CD163L1: variants seen among roughly 807,000 people sequenced by gnomAD.
CD163L1 encodes the protein scavenger receptor cysteine-rich type 1 protein M160.
CD163L1 carries 124 observed loss-of-function variants against 165.4 expected under a neutral mutation model. That is an observed-to-expected ratio of 0.75 (90% CI 0.65 to 0.87). The LOEUF (loss-of-function observed/expected upper bound fraction) is 0.87. CD163L1 is among the 40% of genes least tolerant of loss of function. The pLI is 0.00. For synonymous variants in CD163L1, 585 were observed against 662.2 expected (o/e 0.88, Z 1.79); for missense variants, 1,525 against 1,799.9 (o/e 0.85, Z 2.76).
downstream of CD163L1, among the ~76,000 whole-genome samples, chr12:7,344,379 T>C (rs183911979): frequency 3.0e-4 from 46 of 152,346 alleles, no homozygotes; most frequent in African/African-American, 1.1e-3. Flanking sequence ...TGAGCCACCA[T>C]ACCTAGCTCA....
At chr12:7,439,448 T>C in intron 2 of CD163L1, 4 of 1,586,004 alleles carry the variant, frequency 2.5e-6, no homozygotes, top group Non-Finnish European at 3.4e-6. Flanking sequence ...GGTTTGGACT[T>C]GTCTTTTAGC....
At chr12:7,443,049 AAAT>A in intron 1 of CD163L1, among the ~76,000 whole-genome samples, 1 of 152,336 alleles carries the variant, frequency 6.6e-6, no homozygotes, top group East Asian at 1.9e-4. Flanking sequence ...GTTGAAAGTT[AAAT>A]AATATTATCT....
chr12:7,404,042 T>C (rs1056408901), intron 5 of CD163L1, among the ~76,000 whole-genome samples, 187 bp from the exon 6 acceptor site: 2 of 151,998 alleles, frequency 1.3e-5, no homozygotes, highest in African/African-American at 2.4e-5. Context: ...ATTTTAAAGA[T>C]TGAAATTTTA....
At chr12:7,365,607 C>T (rs1946999680) in intron 18 of CD163L1, among the ~76,000 whole-genome samples, 1 of 151,918 alleles carries the variant, frequency 6.6e-6, no homozygotes, top group Non-Finnish European at 1.5e-5. Context: ...GGTGAAAGAA[C>T]TGAATAGACA....
the CD163L1 span, among the ~76,000 whole-genome samples, chr12:7,319,610 A>G: frequency 7.2e-5 from 11 of 151,784 alleles, no homozygotes; most frequent in Admixed American, 3.3e-4. Flanking sequence ...AAAAAAGAAA[A>G]AAATACAGAT....
chr12:7,336,985 G>A, the CD163L1 span, among the ~76,000 whole-genome samples: 2 of 152,026 alleles, frequency 1.3e-5, no homozygotes, highest in Non-Finnish European at 2.9e-5. Context: ...ATAGACCAAT[G>A]GAACAGGAGA....
At chr12:7,322,312 C>A in the CD163L1 span, 19 of 1,502,492 alleles carry the variant, frequency 1.3e-5, no homozygotes, top group Non-Finnish European at 1.8e-5. Flanking sequence ...TTTGCTAAGA[C>A]TTGCCTCTCC....
intron 1 of CD163L1, 100 bp downstream of exon 1, chr12:7,443,997 T>C: frequency 8.6e-7 from 1 of 1,164,398 alleles, no homozygotes; most frequent in East Asian, 2.5e-5. Context: ...GTTTTCTTTT[T>C]ACCTTACTAC....
At chr12:7,393,290 T>C (rs374538832) in intron 8 of CD163L1, among the ~76,000 whole-genome samples, 5 of 152,040 alleles carry the variant, frequency 3.3e-5, no homozygotes, top group African/African-American at 7.3e-5. Context: ...ACAAACATAA[T>C]CCATCACATA....
intron 18 of CD163L1, among the ~76,000 whole-genome samples, chr12:7,365,661 G>A (rs147315384): frequency 6.6e-6 from 1 of 152,108 alleles, no homozygotes; most frequent in East Asian, 1.9e-4. Flanking sequence ...GTAAATAAAT[G>A]CTCAACAACA....
intron 4 of CD163L1, among the ~76,000 whole-genome samples, chr12:7,412,700 T>C (rs1037756649): frequency 3.3e-5 from 5 of 151,808 alleles, no homozygotes; most frequent in African/African-American, 1.2e-4. Context: ...CAAAAGAACA[T>C]AAGCCAGATG....
intron 8 of CD163L1, among the ~76,000 whole-genome samples, chr12:7,387,715 C>A (rs955786369): frequency 6.6e-6 from 1 of 152,178 alleles, no homozygotes; most frequent in Admixed American, 6.5e-5. Context: ...AGTATTCAGA[C>A]TGTGAGCCAA....
chr12:7,407,782 TACACACACACAC>T (rs57031012), intron 4 of CD163L1, among the ~76,000 whole-genome samples: 1 of 143,894 alleles, frequency 6.9e-6, no homozygotes, highest in South Asian at 2.3e-4. Context: ...CACACATCCA[TACACACACACAC>T]ACACACACAC....
rs1845293896 is a variant in CD163L1, at chr12:7,357,330, G to A, written c.*24+50C>T. The A allele has an allele frequency of 6.7e-6, 8 of 1,187,606 alleles. No homozygotes were observed. In the South Asian group the frequency reaches 8.7e-5, roughly 13 times the overall value. The allele number at this position is 1,187,606 out of a possible 1,614,324, so 73.6% of individuals were successfully genotyped here. A position where few individuals can be genotyped will look rare whatever the true frequency, so the allele number is the denominator to read the frequency against. On this transcript the variant is annotated intron_variant, in intron 19 of 19. Coordinates refer to ENST00000313599, the MANE Select transcript of CD163L1 (RefSeq NM_174941.6). ...AAAAAATGTATTTAATTCTGCGACA[G>A]TGGGAGATTAAATTACTAGTTTTAG...
At chr12:7,380,065 T>C (rs1947353016) in intron 8 of CD163L1, among the ~76,000 whole-genome samples, 2 of 151,968 alleles carry the variant, frequency 1.3e-5, no homozygotes, top group African/African-American at 4.8e-5. Flanking sequence ...ACAACCGCTA[T>C]GAAAAACAGT....
In CD163L1 at chr12:7,421,041, A is replaced by ATATATATACATATATATATATATGTG. The variant is rs1217962587; in HGVS notation, c.766+11374_766+11375insCACATATATATATATATGTATATATA. 5.5e-5 allele frequency among the ~76,000 whole-genome samples: 6 copies of ATATATATACATATATATATATATGTG among 108,598 alleles called. 1 individual carries two copies. The highest frequency in any genetic ancestry group is 3.3e-4 in the East Asian group (1 of 3,026). The allele number at this position is 108,598 out of a possible 152,430, so 71.2% of individuals were successfully genotyped here. On this transcript the variant is annotated intron_variant, in intron 4 of 19. Transcript: ENST00000313599. ...TATATATACATATATATATACGTGT[A>ATATATATACATATATATATATATGTG]TATATATGTATATACGTATATATGT...
intron 18 of CD163L1, among the ~76,000 whole-genome samples, chr12:7,365,246 T>C (rs1946988575): frequency 6.6e-6 from 1 of 151,998 alleles, no homozygotes; most frequent in African/African-American, 2.4e-5. Context: ...CTCTATCTCA[T>C]ACCATATAAA....
chr12:7,324,344 C>T, the CD163L1 span: 1 of 1,614,008 alleles, frequency 6.2e-7, no homozygotes, highest in Non-Finnish European at 8.5e-7. Flanking sequence ...GAGTGATGGA[C>T]AGTGATGGGT....
intron 8 of CD163L1, among the ~76,000 whole-genome samples, chr12:7,384,558 A>G (rs1023326640): frequency 3.9e-5 from 6 of 151,994 alleles, no homozygotes; most frequent in Non-Finnish European, 2.9e-5. Context: ...AAAGATGGCC[A>G]CTCATGTGTG....
Sources: gnomAD v4.1 joint callset for allele counts (sites outside exome capture counted in the v4.1 genomes callset) on GRCh38, gnomAD v4.1.1 for gene constraint, MANE v1.5 for transcripts, NCBI Gene and HGNC (gene_info 2026-07-23, HGNC 2026-07-21) for gene names.